The following ITGB8 variants were observed in gnomAD, a reference collection of about 807,000 sequenced individuals.
ITGB8 encodes integrin beta-8.
ITGB8 carries 30 observed loss-of-function variants against 89.5 expected under a neutral mutation model. That is an observed-to-expected ratio of 0.34 (90% CI 0.25 to 0.45). The LOEUF is 0.45. ITGB8 is among the 20% of genes least tolerant of loss of function. The pLI is 1.00. For synonymous variants in ITGB8, 335 were observed against 320.4 expected (o/e 1.05, Z -0.49); for missense variants, 836 against 933.3 (o/e 0.90, Z 1.36).
intron 8 of ITGB8, among the ~76,000 whole-genome samples, chr7:20,396,057 C>G (rs765799398): frequency 6.6e-6 from 1 of 152,162 alleles, no homozygotes; most frequent in Non-Finnish European, 1.5e-5. Context: ...GGAAAAACCT[C>G]TCGTTTCTCT....
In ITGB8 at chr7:20,413,877, T is replaced by C. The variant is rs935513710; in HGVS notation, c.*3880T>C. The C allele has an allele frequency of 5.3e-5, 8 of 152,140 alleles. No individual in the cohort carries two copies. The highest frequency in any genetic ancestry group is 1.9e-4 in the African/African-American group (8 of 41,460). The allele number at this position is 152,140 out of a possible 1,614,324, so 9.4% of individuals were successfully genotyped here. A position where few individuals can be genotyped will look rare whatever the true frequency, so the allele number is the denominator to read the frequency against. Reference sequence around the variant, plus strand: ...TGACTCAATATTTAATTTACAACTATCCTTATTTATATTGACCTCAAGAAC... The same window carrying C: ...TGACTCAATATTTAATTTACAACTACCCTTATTTATATTGACCTCAAGAAC... On this transcript the variant is annotated 3_prime_UTR_variant, in exon 14 of 14. Transcript: ENST00000222573.
At chr7:20,397,034 A>C (rs1787110698) in intron 8 of ITGB8, among the ~76,000 whole-genome samples, 1 of 152,332 alleles carries the variant, frequency 6.6e-6, no homozygotes, top group South Asian at 2.1e-4. Context: ...ACAGTCCAAC[A>C]GAATCAATTC....
At chr7:20,374,175 A>G (rs1472333188) in intron 3 of ITGB8, among the ~76,000 whole-genome samples, 1 of 152,162 alleles carries the variant, frequency 6.6e-6, no homozygotes, top group Non-Finnish European at 1.5e-5. Context: ...TCTTAGAGAA[A>G]CTCTGTGGAA....
At chr7:20,365,198 G>A in intron 2 of ITGB8, 1 of 152,422 alleles carries the variant, frequency 6.6e-6, no homozygotes, top group Admixed American at 6.5e-5. Flanking sequence ...TCAGTTGTCT[G>A]ATAGAAAGAG....
chr7:20,347,170 C>A (rs982689564), intron 1 of ITGB8, among the ~76,000 whole-genome samples: 1 of 152,146 alleles, frequency 6.6e-6, no homozygotes. Context: ...TCCAAAACTG[C>A]GAGAAATAAA....
intron 10 of ITGB8, among the ~76,000 whole-genome samples, chr7:20,404,055 G>T (rs1262870338): frequency 6.6e-6 from 1 of 152,080 alleles, no homozygotes; most frequent in Non-Finnish European, 1.5e-5. Context: ...AGGAGGATCT[G>T]CTCTGCTAAC....
At chr7:20,384,010 A>G (rs374813559) in intron 6 of ITGB8, among the ~76,000 whole-genome samples, 2 of 152,176 alleles carry the variant, frequency 1.3e-5, no homozygotes, top group Non-Finnish European at 2.9e-5. Context: ...CACTGCCTAC[A>G]TATTAGGTAA....
rs1784401204 is a variant in ITGB8 at position 20,331,702 on chromosome 7, G to A, written c.-105G>A. On this transcript the variant is annotated 5_prime_UTR_variant, in exon 1 of 14. Coordinates refer to ENST00000222573, the MANE Select transcript of ITGB8 (RefSeq NM_002214.3). ...TCCGCCTGCTAGGCCTGCGGAAAAC[G>A]TCCTAGCGACACTCGGCCCGCGGGC... is the stretch of plus-strand genomic sequence containing the variant. 7.3e-7 allele frequency: 1 copy of A among 1,369,354 alleles called. No individual in the cohort carries two copies. Among genetic ancestry groups the A allele is most frequent in the Non-Finnish European group, 9.7e-7 (1 of 1,034,532 alleles). The allele number at this position is 1,369,354 out of a possible 1,614,324, so 84.8% of individuals were successfully genotyped here.
chr7:20,363,576 T>C lies in ITGB8; in HGVS notation c.128-61T>C. The C allele has an allele frequency of 4.0e-6, 4 of 997,122 alleles. 1 individual carries two copies. Among genetic ancestry groups the C allele is most frequent in the Middle Eastern group, 2.2e-4 (1 of 4,488 alleles). The allele number at this position is 997,122 out of a possible 1,614,324, so 61.8% of individuals were successfully genotyped here. Reference sequence around the variant, plus strand: ...ATTGTTCATTTGTTTCATTTTAGTCTAGAATTATATACGCTTTCTATTTTG... The same window carrying C: ...ATTGTTCATTTGTTTCATTTTAGTCCAGAATTATATACGCTTTCTATTTTG... On this transcript the variant is annotated intron_variant, in intron 1 of 13. Coordinates refer to ENST00000222573, the MANE Select transcript of ITGB8 (RefSeq NM_002214.3).
In ITGB8 at chr7:20,404,769, G is replaced by A; in HGVS notation, c.1829G>A (p.Gly610Glu). 1 of 1,614,184 alleles carries A rather than the reference G, an allele frequency of 6.2e-7. No individual in the cohort carries two copies. The highest frequency in any genetic ancestry group is 8.5e-7 in the Non-Finnish European group (1 of 1,180,038). Reference sequence around the variant, plus strand: ...AGTGGAAGAGGCACGTGTGTGTGTGGAAGGTGTGAGTGCACCGATCCCAGG... The same window carrying A: ...AGTGGAAGAGGCACGTGTGTGTGTGAAAGGTGTGAGTGCACCGATCCCAGG... Reference protein sequence around the residue: ...VCSGRGTCVCGRCECTDPRSI... With the variant: ...VCSGRGTCVCERCECTDPRSI... Residue 610 changes from glycine to glutamate, a missense_variant, in exon 11 of 14, where the codon GGA becomes GAA. Physicochemically the swap from Gly to Glu is moderately conservative, Grantham distance 98 (BLOSUM62 -2). This residue lies in a region of ITGB8 where 422 missense variants were observed against 416.9 expected (regional missense o/e 1.01). Transcript: ENST00000222573.
chr7:20,376,451 G>C (rs1786148856), intron 3 of ITGB8, among the ~76,000 whole-genome samples: 1 of 152,050 alleles, frequency 6.6e-6, no homozygotes, highest in Admixed American at 6.5e-5. Context: ...GGTTAAGTGG[G>C]GGTGTTAACT....
At position 20,391,380 on chromosome 7, in the gene ITGB8, ATTTAT is replaced by A. The variant is rs1562692096; in HGVS notation, c.961-16_961-12del. On this transcript the variant is annotated intron_variant, in intron 6 of 13. Coordinates refer to ENST00000222573, the MANE Select transcript of ITGB8 (RefSeq NM_002214.3). ...TGGAGCTATGAAATTTCATTCCCTTATTTATTTTATTATTCATTACAGGAACACCC... is the reference window on the plus strand; with the variant it reads ...TGGAGCTATGAAATTTCATTCCCTTATTTATTATTCATTACAGGAACACCC... 8.4e-6 allele frequency: 11 copies of A among 1,316,116 alleles called. No homozygotes were observed. The highest frequency in any genetic ancestry group is 1.9e-5 in the Admixed American group (1 of 51,292). 81.5% of individuals were successfully genotyped at this position (1,316,116 alleles called of 1,614,324 possible). A position where few individuals can be genotyped will look rare whatever the true frequency, so the allele number is the denominator to read the frequency against.
intron 2 of ITGB8, among the ~76,000 whole-genome samples, chr7:20,364,374 A>C (rs1286566495): frequency 6.6e-6 from 1 of 152,166 alleles, no homozygotes; most frequent in Non-Finnish European, 1.5e-5. Context: ...TTTTTGCTTG[A>C]CATGGAGATA....
chr7:20,377,821 A>T (rs1165839105), intron 3 of ITGB8, among the ~76,000 whole-genome samples: 1 of 152,166 alleles, frequency 6.6e-6, no homozygotes, highest in African/African-American at 2.4e-5. Flanking sequence ...ATACCAGCAA[A>T]ACCTTATTAT....
chr7:20,407,155 A>G (rs763770683), intron 12 of ITGB8, among the ~76,000 whole-genome samples: 2 of 152,160 alleles, frequency 1.3e-5, no homozygotes, highest in Non-Finnish European at 2.9e-5. Flanking sequence ...ATTTATTTGG[A>G]TGCCTTTCCA....
intron 3 of ITGB8, among the ~76,000 whole-genome samples, chr7:20,368,876 AC>A (rs1785815917): frequency 6.6e-6 from 1 of 152,162 alleles, no homozygotes; most frequent in East Asian, 1.9e-4. Context: ...ATTATGCCTA[AC>A]ATCCCCCATT....
chr7:20,337,062 A>C (rs1452488671), intron 1 of ITGB8, among the ~76,000 whole-genome samples: 1 of 152,212 alleles, frequency 6.6e-6, no homozygotes, highest in African/African-American at 2.4e-5. Flanking sequence ...AATCATTAGC[A>C]AAGATTAAAA....
intron 8 of ITGB8, among the ~76,000 whole-genome samples, chr7:20,398,640 C>T (rs1250319273): frequency 6.6e-6 from 1 of 152,026 alleles, no homozygotes; most frequent in Non-Finnish European, 1.5e-5. Flanking sequence ...AAAAATAGAA[C>T]AATTTGAATG....
intron 6 of ITGB8, among the ~76,000 whole-genome samples, chr7:20,390,491 A>C (rs1450994598): frequency 6.6e-6 from 1 of 152,098 alleles, no homozygotes; most frequent in Non-Finnish European, 1.5e-5. Context: ...ATTTTATTTC[A>C]ATTTTCCTAC....
Sources: gnomAD v4.1 joint callset for allele counts (sites outside exome capture counted in the v4.1 genomes callset) on GRCh38, gnomAD v4.1.1 for gene constraint, gnomAD v4.1.1 regional missense constraint, MANE v1.5 for transcripts, NCBI Gene and HGNC (gene_info 2026-07-23, HGNC 2026-07-21) for gene names.